The following GTF2E2 variants were observed in gnomAD, a reference collection of about 807,000 sequenced individuals.
GTF2E2 encodes the protein transcription initiation factor IIE subunit beta.
GTF2E2 carries 21 observed loss-of-function variants against 40.5 expected under a neutral mutation model. The ratio of observed to expected loss-of-function variants is 0.52; its 90% CI spans 0.37 to 0.75. The LOEUF (loss-of-function observed/expected upper bound fraction) is 0.75, where lower values mean the gene tolerates loss of function less well. Among genes scored for constraint, GTF2E2 ranks in the 30% least tolerant of loss-of-function variants. The probability of loss-of-function intolerance (pLI) is 0.00; values close to 1 mark genes in which losing one functional copy is unlikely to be tolerated. For synonymous variants in GTF2E2, 117 were observed against 121.6 expected (o/e 0.96, Z 0.25); for missense variants, 298 against 338.4 (o/e 0.88, Z 0.94).
chr8:30,592,725 T>C (rs1350957695), intron 6 of GTF2E2, among the ~76,000 whole-genome samples: 1 of 152,240 alleles, frequency 6.6e-6, no homozygotes. Context: ...CGTCTGTATG[T>C]GTTTAATAAA....
At chr8:30,587,917 A>ATTGC (rs1828730483) in intron 6 of GTF2E2, among the ~76,000 whole-genome samples, 1 of 151,492 alleles carries the variant, frequency 6.6e-6, no homozygotes, top group Non-Finnish European at 1.5e-5. Flanking sequence ...CAACAGATAT[A>ATTGC]TTGCTCATCA....
At position 30,647,178 on chromosome 8, in the gene GTF2E2, A is replaced by G. The variant is rs550186113; in HGVS notation, c.166+6255T>C. On this transcript the variant is annotated intron_variant, in intron 2 of 7. Coordinates refer to ENST00000355904, the MANE Select transcript of GTF2E2 (RefSeq NM_002095.6). ...ATTAAGAGGGCTGTGGGGACAAAAA[A>G]AAGCACTAGGTATTATAAAAGACTT... Among the ~76,000 whole-genome samples, 232 of 152,296 alleles carry G rather than the reference A, an allele frequency of 1.5e-3. 5 individuals are homozygous for G. The South Asian group carries it at 0.016, about 10-fold the overall frequency.
Position 30,612,528 on chromosome 8 carries a change from T to C in GTF2E2, c.367-47A>G, listed in dbSNP as rs993482359. On this transcript the variant is annotated intron_variant, in intron 4 of 7. Coordinates refer to ENST00000355904, the MANE Select transcript of GTF2E2 (RefSeq NM_002095.6). ...AATATATTAACAAATGGAACATAAA[T>C]ATATATATATATTTTTGAAACGTAA... 5 of 944,412 alleles carry C rather than the reference T, an allele frequency of 5.3e-6. No individual in the cohort carries two copies. The Admixed American group carries it at 8.1e-5, about 15-fold the overall frequency. The allele number at this position is 944,412 out of a possible 1,614,324, so 58.5% of individuals were successfully genotyped here.
intron 3 of GTF2E2, among the ~76,000 whole-genome samples, chr8:30,615,568 C>T (rs1402208395): frequency 6.6e-6 from 1 of 152,118 alleles, no homozygotes; most frequent in Non-Finnish European, 1.5e-5. Flanking sequence ...TGTAAAAGTT[C>T]TCTATGTGCT....
chr8:30,584,276 A>G (rs1828608757), intron 6 of GTF2E2, among the ~76,000 whole-genome samples: 2 of 144,558 alleles, frequency 1.4e-5, no homozygotes, highest in South Asian at 4.3e-4. Context: ...CTCATCTTGT[A>G]TTTCCCCTCA....
At chr8:30,619,731 C>T (rs1007461766) in intron 3 of GTF2E2, among the ~76,000 whole-genome samples, 3 of 151,848 alleles carry the variant, frequency 2.0e-5, no homozygotes, top group Non-Finnish European at 4.4e-5. Flanking sequence ...GCCAAATTGT[C>T]GGGATTAAAA....
intron 1 of GTF2E2, chr8:30,657,425 T>A (rs989361427): frequency 1.3e-5 from 2 of 152,338 alleles, no homozygotes; most frequent in Admixed American, 6.5e-5. Flanking sequence ...GCCTCGTTAG[T>A]GTCCCTGGCA....
intron 3 of GTF2E2, among the ~76,000 whole-genome samples, chr8:30,624,443 C>T (rs952525977): frequency 5.9e-5 from 9 of 152,062 alleles, no homozygotes; most frequent in South Asian, 2.1e-4. Context: ...AGTCAGGTAG[C>T]ATGATGCCTC....
chr8:30,617,245 G>A (rs1195559345), intron 3 of GTF2E2, among the ~76,000 whole-genome samples: 1 of 152,144 alleles, frequency 6.6e-6, no homozygotes, highest in Non-Finnish European at 1.5e-5. Context: ...ACAGCAGATA[G>A]AGACATAAGC....
chr8:30,648,725 G>A (rs572900805), intron 2 of GTF2E2, among the ~76,000 whole-genome samples: 5 of 152,348 alleles, frequency 3.3e-5, no homozygotes, highest in Non-Finnish European at 7.3e-5. Context: ...GCTTCCAGCT[G>A]CTCTGCCAGC....
At chr8:30,646,837 G>A (rs992361294) in intron 2 of GTF2E2, among the ~76,000 whole-genome samples, 1 of 151,770 alleles carries the variant, frequency 6.6e-6, no homozygotes, top group East Asian at 1.9e-4. Context: ...AAAGTTAGCC[G>A]GGCATGGTGG....
At chr8:30,624,389 G>A (rs551402418) in intron 3 of GTF2E2, among the ~76,000 whole-genome samples, 1 of 152,100 alleles carries the variant, frequency 6.6e-6, no homozygotes. Context: ...TTTGGTACCA[G>A]TACCATGCTG....
At chr8:30,652,561 A>C (rs993587915) in intron 2 of GTF2E2, among the ~76,000 whole-genome samples, 4 of 149,464 alleles carry the variant, frequency 2.7e-5, no homozygotes, top group Admixed American at 1.3e-4. Flanking sequence ...AAAAAAAAAA[A>C]CAGAATTTCA....
At chr8:30,585,086 T>A (rs1028080287) in intron 6 of GTF2E2, 3 of 152,298 alleles carry the variant, frequency 2.0e-5, no homozygotes, top group Admixed American at 1.3e-4. Context: ...CTTGGGAGGC[T>A]GAGGAAGGAG....
At chr8:30,622,022 C>T (rs1223218266) in intron 3 of GTF2E2, among the ~76,000 whole-genome samples, 1 of 151,362 alleles carries the variant, frequency 6.6e-6, no homozygotes, top group Non-Finnish European at 1.5e-5. Context: ...TGTGCACAAC[C>T]TGCAGGTTTG....
At position 30,655,196 on chromosome 8, in the gene GTF2E2, C is replaced by CAA. The variant is rs11452838; in HGVS notation, c.-4-1596_-4-1595dup. On this transcript the variant is annotated intron_variant, in intron 1 of 7. Transcript: ENST00000355904. ...TGGGGGATACAGCAAAACTCTGTCTCAAAAAAAAAAAAAAAGTCTACAGAA... is the reference window on the plus strand; with the variant it reads ...TGGGGGATACAGCAAAACTCTGTCTCAAAAAAAAAAAAAAAAAGTCTACAGAA... 5.5e-3 allele frequency among the ~76,000 whole-genome samples: 737 copies of CAA among 134,054 alleles called. 5 individuals carry two copies. The highest frequency in any genetic ancestry group is 0.019 in the African/African-American group (655 of 34,730). 87.9% of individuals were successfully genotyped at this position (134,054 alleles called of 152,430 possible). A position where few individuals can be genotyped will look rare whatever the true frequency, so the allele number is the denominator to read the frequency against.
At chr8:30,640,878 T>G (rs1801795731) in intron 2 of GTF2E2, among the ~76,000 whole-genome samples, 1 of 152,298 alleles carries the variant, frequency 6.6e-6, no homozygotes, top group Admixed American at 6.5e-5. Context: ...CTAATTTTTG[T>G]GTTTTTAGCA....
intron 3 of GTF2E2, among the ~76,000 whole-genome samples, chr8:30,624,537 A>C (rs1056361795): frequency 2.0e-5 from 3 of 152,096 alleles, no homozygotes; most frequent in African/African-American, 7.3e-5. Flanking sequence ...AGTTTTTTCC[A>C]ATTCTGTGAA....
chr8:30,629,025 T>C (rs554463086), intron 3 of GTF2E2, among the ~76,000 whole-genome samples: 1 of 152,328 alleles, frequency 6.6e-6, no homozygotes, highest in South Asian at 2.1e-4. Flanking sequence ...TTACACTAAT[T>C]AATTTTCAAA....
Sources: allele counts gnomAD v4.1 joint callset (sites outside exome capture counted in the v4.1 genomes callset), GRCh38; gene constraint gnomAD v4.1.1; transcripts MANE v1.5; gene names NCBI Gene and HGNC (gene_info 2026-07-23, HGNC 2026-07-21).